DTNB: variants seen among roughly 807,000 people sequenced by gnomAD.
The protein encoded by DTNB is DTN-B.
A neutral mutation model predicts 90.7 loss-of-function variants in DTNB; 63 were observed. That is an observed-to-expected ratio of 0.69 (90% CI 0.57 to 0.86). DTNB has a LOEUF of 0.86. DTNB is among the 40% of genes least tolerant of loss of function. DTNB has a pLI of 0.00. For missense variants in DTNB, 744 were observed against 807.1 expected (o/e 0.92, Z 0.95); for synonymous variants, 277 against 286.7 (o/e 0.97, Z 0.34).
At chr2:25,540,401 T>A (rs1388495608) in intron 8 of DTNB, among the ~76,000 whole-genome samples, 1 of 152,254 alleles carries the variant, frequency 6.6e-6, no homozygotes, top group Non-Finnish European at 1.5e-5. Context: ...ATATTTTGTA[T>A]ACAGCAGCCC....
intron 10 of DTNB, among the ~76,000 whole-genome samples, chr2:25,458,036 T>C (rs1302865265): frequency 6.6e-6 from 1 of 152,094 alleles, no homozygotes; most frequent in Non-Finnish European, 1.5e-5. Context: ...GGTTTCACCA[T>C]GTTGGCCAGG....
chr2:25,485,452 A>G (rs1029958668), intron 9 of DTNB, among the ~76,000 whole-genome samples: 1 of 152,248 alleles, frequency 6.6e-6, no homozygotes, highest in African/African-American at 2.4e-5. Context: ...ATTTGGTCTG[A>G]TACCACAAAC....
chr2:25,627,520 G>A (rs72797671), intron 4 of DTNB, among the ~76,000 whole-genome samples: 2,118 of 152,128 alleles, frequency 0.014, 29 homozygotes, highest in Non-Finnish European at 0.025. Context: ...AGAAAGAGGA[G>A]ACTTAGAAGT....
intron 9 of DTNB, among the ~76,000 whole-genome samples, chr2:25,489,542 G>T (rs1183911767): frequency 6.6e-6 from 1 of 152,100 alleles, no homozygotes; most frequent in Non-Finnish European, 1.5e-5. Context: ...TATAAGCCAG[G>T]CATGATGGAA....
At chr2:25,496,446 G>A (rs998043508) in intron 9 of DTNB, among the ~76,000 whole-genome samples, 5 of 152,112 alleles carry the variant, frequency 3.3e-5, no homozygotes, top group Non-Finnish European at 5.9e-5. Flanking sequence ...GTCATTTCCC[G>A]ACCTGTTCAC....
intron 19 of DTNB, chr2:25,379,679 TC>T (rs1228773058): frequency 7.9e-6 from 2 of 254,416 alleles, no homozygotes; most frequent in Non-Finnish European, 1.5e-5. Context: ...GTGAGGGCGG[TC>T]CCCCTCCTGC....
At chr2:25,577,662 T>C (rs1336424674) in intron 7 of DTNB, among the ~76,000 whole-genome samples, 1 of 152,202 alleles carries the variant, frequency 6.6e-6, no homozygotes, top group African/African-American at 2.4e-5. Context: ...AGCATAATTA[T>C]TTCCTCTGAC....
intron 1 of DTNB, among the ~76,000 whole-genome samples, chr2:25,662,117 C>T (rs1244646115): frequency 1.3e-5 from 2 of 151,420 alleles, no homozygotes; most frequent in African/African-American, 2.4e-5. Context: ...GATTGTGTCA[C>T]TGCACGCCAG....
intron 12 of DTNB, among the ~76,000 whole-genome samples, chr2:25,437,005 A>G (rs1365690938): frequency 6.6e-6 from 1 of 152,186 alleles, no homozygotes; most frequent in East Asian, 1.9e-4. Context: ...GGAGGTTAAT[A>G]TAGGAATCAA....
chr2:25,476,173 A>G (rs1041686711), intron 10 of DTNB, among the ~76,000 whole-genome samples: 4 of 151,354 alleles, frequency 2.6e-5, no homozygotes, highest in African/African-American at 9.7e-5. Flanking sequence ...GGTTCAAGTA[A>G]TTCTCCTGCC....
At chr2:25,588,389 C>A (rs947621795) in intron 6 of DTNB, among the ~76,000 whole-genome samples, 1 of 149,230 alleles carries the variant, frequency 6.7e-6, no homozygotes, top group Non-Finnish European at 1.5e-5. Context: ...TTTTTTGAGA[C>A]GGAGTCTCCC....
At chr2:25,451,450 C>T (rs944834904) in intron 12 of DTNB, 98 bp downstream of exon 12, 66 of 1,277,794 alleles carry the variant, frequency 5.2e-5, no homozygotes, top group Non-Finnish European at 6.8e-5. Flanking sequence ...CCCCGAGGTA[C>T]CTGTTCTCCT....
intron 9 of DTNB, among the ~76,000 whole-genome samples, chr2:25,529,441 T>A (rs1454071331): frequency 6.6e-6 from 1 of 151,334 alleles, no homozygotes; most frequent in Non-Finnish European, 1.5e-5. Flanking sequence ...AGAAAACCAC[T>A]ATAATGTTGA....
At chr2:25,452,487 G>A (rs1272506009) in intron 11 of DTNB, among the ~76,000 whole-genome samples, 1 of 152,196 alleles carries the variant, frequency 6.6e-6, no homozygotes, top group Non-Finnish European at 1.5e-5. Context: ...AGACGACAGT[G>A]ATGATGTTGA....
At chr2:25,505,871 G>A (rs1317464399) in intron 9 of DTNB, among the ~76,000 whole-genome samples, 4 of 152,086 alleles carry the variant, frequency 2.6e-5, no homozygotes, top group Non-Finnish European at 5.9e-5. Context: ...GTTCTCCACA[G>A]GACATCATCT....
intron 10 of DTNB, among the ~76,000 whole-genome samples, chr2:25,473,147 C>G (rs2063126572): frequency 6.6e-6 from 1 of 152,090 alleles, no homozygotes; most frequent in African/African-American, 2.4e-5. Flanking sequence ...GGAGATTCCC[C>G]AATAAGATCC....
intron 9 of DTNB, among the ~76,000 whole-genome samples, chr2:25,526,383 ATATATATATATAT>A (rs1432580151): frequency 2.3e-4 from 12 of 53,110 alleles, no homozygotes; most frequent in South Asian, 1.3e-3. Flanking sequence ...ATATATATAT[ATATATATATATAT>A]TTTTTTTTTT....
intron 8 of DTNB, among the ~76,000 whole-genome samples, chr2:25,571,001 C>T (rs369804819): frequency 1.3e-4 from 20 of 152,200 alleles, no homozygotes; most frequent in Admixed American, 2.6e-4. Flanking sequence ...ATGTCCGGAA[C>T]AAACGGTGAA....
Position 25,427,602 on chromosome 2 carries a change from A to T in DTNB, c.1487T>A (p.Met496Lys). 6.2e-7 allele frequency: 1 copy of T among 1,613,674 alleles called. No individual in the cohort carries two copies. The highest frequency in any genetic ancestry group is 1.1e-5 in the South Asian group (1 of 91,070). ...CCGCCTGCTCTCCTGCAGGGCCGAC[A>T]TCCTCTGCTCCAGTTCATCCTTCCT... ...RQRKDELEQR[M>K]SALQESRREL... is the part of the protein sequence containing the mutation. Residue 496 changes from methionine (M) to lysine (K), a missense_variant, in exon 15 of 21, where the codon ATG becomes AAG. Met to Lys is a moderately conservative substitution (Grantham distance 95). Transcript: ENST00000406818.
Sources: allele counts gnomAD v4.1 joint callset (sites outside exome capture counted in the v4.1 genomes callset), GRCh38; gene constraint gnomAD v4.1.1; transcripts MANE v1.5; gene names NCBI Gene and HGNC (gene_info 2026-07-23, HGNC 2026-07-21).